Variants in LINGO2 observed in about 807,000 individuals in gnomAD.
LINGO2 encodes the protein leucine-rich repeat and immunoglobulin-like domain-containing nogo receptor-interacting protein 2.
In LINGO2, 14 loss-of-function variants were observed where a neutral mutation model predicts 30.6. That is an observed-to-expected ratio of 0.46 (90% CI 0.30 to 0.72). LINGO2 has a LOEUF of 0.72. Among genes scored for constraint, LINGO2 ranks in the 30% least tolerant of loss-of-function variants. The pLI, the probability that LINGO2 is intolerant of heterozygous loss-of-function variation, is 0.07. For synonymous variants in LINGO2, 317 were observed against 288.5 expected (o/e 1.10, Z -1.00); for missense variants, 729 against 751.7 (o/e 0.97, Z 0.35).
chr9:28,213,400 A>C (rs117858672), intron 4 of LINGO2, among the ~76,000 whole-genome samples: 2,664 of 151,602 alleles, frequency 0.018, 40 homozygotes, highest in Non-Finnish European at 0.023. Flanking sequence ...CAGAAAATGA[A>C]AAGCCAGAGT....
intron 4 of LINGO2, among the ~76,000 whole-genome samples, chr9:28,072,854 G>A (rs894761700): frequency 5.9e-5 from 9 of 151,952 alleles, no homozygotes; most frequent in Non-Finnish European, 1.0e-4. Flanking sequence ...ACAACGTAGC[G>A]GTACTCATGG....
the LINGO2 span, among the ~76,000 whole-genome samples, chr9:28,848,397 G>GTGTATA: frequency 4.3e-4 from 21 of 48,432 alleles, no homozygotes; most frequent in African/African-American, 1.0e-3. Flanking sequence ...GTGTGTGTGT[G>GTGTATA]TATATATATA....
the LINGO2 span, among the ~76,000 whole-genome samples, chr9:28,970,146 AG>A: frequency 6.6e-6 from 1 of 152,164 alleles, no homozygotes; most frequent in Non-Finnish European, 1.5e-5. Flanking sequence ...CACTAAGCTT[AG>A]GGCACATCAG....
intron 1 of LINGO2, among the ~76,000 whole-genome samples, chr9:28,525,729 C>T (rs1175899004): frequency 2.0e-5 from 3 of 152,124 alleles, no homozygotes; most frequent in Non-Finnish European, 2.9e-5. Flanking sequence ...ATCTTCATAA[C>T]TGTCACAAAA....
At chr9:28,311,274 C>A (rs1049618748) in intron 3 of LINGO2, among the ~76,000 whole-genome samples, 5 of 152,110 alleles carry the variant, frequency 3.3e-5, no homozygotes, top group African/African-American at 4.8e-5. Context: ...AGGGCGAGAT[C>A]ACAGGACCAC....
chr9:28,622,035 G>C (rs558654499), intron 1 of LINGO2, among the ~76,000 whole-genome samples: 1 of 151,842 alleles, frequency 6.6e-6, no homozygotes, highest in Non-Finnish European at 1.5e-5. Context: ...TTTAATTTTT[G>C]TCGGTACTTA....
intron 4 of LINGO2, among the ~76,000 whole-genome samples, chr9:28,170,174 T>C (rs938951137): frequency 1.3e-5 from 2 of 152,202 alleles, no homozygotes; most frequent in African/African-American, 4.8e-5. Context: ...TAAATAAATA[T>C]GTGAGCTAGG....
chr9:28,512,608 T>G (rs1181267810), intron 1 of LINGO2, among the ~76,000 whole-genome samples: 2 of 4,776 alleles, frequency 4.2e-4, no homozygotes, highest in East Asian at 0.091. Context: ...TATATATATA[T>G]ATATATATAT....
At chr9:28,586,206 A>G (rs1824529672) in intron 1 of LINGO2, among the ~76,000 whole-genome samples, 1 of 151,986 alleles carries the variant, frequency 6.6e-6, no homozygotes, top group Admixed American at 6.6e-5. Context: ...ATAGTAAGAC[A>G]TGCTTGTTAT....
At chr9:28,275,545 T>C (rs1313649529) in intron 4 of LINGO2, among the ~76,000 whole-genome samples, 2 of 152,054 alleles carry the variant, frequency 1.3e-5, no homozygotes, top group Non-Finnish European at 2.9e-5. Flanking sequence ...ACTCTTACAC[T>C]CCTCCTATAG....
At chr9:28,653,727 T>C (rs1293560390) in intron 1 of LINGO2, among the ~76,000 whole-genome samples, 2 of 152,148 alleles carry the variant, frequency 1.3e-5, no homozygotes, top group East Asian at 3.9e-4. Flanking sequence ...GAGCTGAAAT[T>C]CATCCAATAT....
At chr9:29,118,112 G>A in the LINGO2 span, among the ~76,000 whole-genome samples, 2 of 152,106 alleles carry the variant, frequency 1.3e-5, no homozygotes, top group African/African-American at 2.4e-5. Flanking sequence ...GCCTCTTACT[G>A]GTAGAAGAGA....
chr9:28,297,806 C>T (rs1791782263), intron 3 of LINGO2, among the ~76,000 whole-genome samples: 2 of 152,160 alleles, frequency 1.3e-5, no homozygotes, highest in African/African-American at 2.4e-5. Context: ...ACAATAACAT[C>T]TACGGCATCA....
At chr9:28,096,285 A>G (rs963840359) in intron 4 of LINGO2, among the ~76,000 whole-genome samples, 1 of 152,214 alleles carries the variant, frequency 6.6e-6, no homozygotes, top group Non-Finnish European at 1.5e-5. Flanking sequence ...CTTTCAATAA[A>G]TGGTAGTAAA....
rs1214056586 is a variant in LINGO2 at position 28,577,879 on chromosome 9, T to C, written c.-365+92321A>G. ...TGGGAAGACAAACTGTGAGCAGATT[T>C]TCACCCAGCAGCTATGGGAACACAA... On this transcript the variant is annotated intron_variant, in intron 1 of 5. Transcript: ENST00000379992. Among the ~76,000 whole-genome samples the C allele has an allele frequency of 2.0e-5, 3 of 152,172 alleles. No individual in the cohort carries two copies. The East Asian group carries it at 5.8e-4, about 29-fold the overall frequency.
intron 1 of LINGO2, among the ~76,000 whole-genome samples, chr9:28,562,506 G>T (rs916476597): frequency 5.1e-5 from 7 of 138,526 alleles, no homozygotes; most frequent in Admixed American, 5.0e-4. Flanking sequence ...TCCCCATTAA[G>T]CAAATTTCAC....
chr9:28,794,285 CAG>C, the LINGO2 span, among the ~76,000 whole-genome samples: 2 of 152,160 alleles, frequency 1.3e-5, no homozygotes, highest in Admixed American at 6.5e-5. Context: ...GCCTGGGCGA[CAG>C]AGTCAGACTC....
At chr9:28,636,697 C>T (rs62548202) in intron 1 of LINGO2, among the ~76,000 whole-genome samples, 5 of 151,854 alleles carry the variant, frequency 3.3e-5, no homozygotes, top group Admixed American at 6.6e-5. Context: ...ATTTGTTTGA[C>T]TTCTTTGTAG....
chr9:28,096,367 A>G (rs1826242476), intron 4 of LINGO2, among the ~76,000 whole-genome samples: 1 of 152,190 alleles, frequency 6.6e-6, no homozygotes. Flanking sequence ...CTTACTCCTT[A>G]TTCATTTTAA....
Sources: gnomAD v4.1 joint callset for allele counts (sites outside exome capture counted in the v4.1 genomes callset) on GRCh38, gnomAD v4.1.1 for gene constraint, MANE v1.5 for transcripts, NCBI Gene and HGNC (gene_info 2026-07-23, HGNC 2026-07-21) for gene names.